The following CPB2 variants were observed in gnomAD, a reference collection of about 807,000 sequenced individuals.
CPB2 encodes carboxypeptidase B2, also known as carboxypeptidase B-like protein.
Under a neutral mutation model 57.0 loss-of-function variants are expected in CPB2, and 54 were observed. The ratio of observed to expected loss-of-function variants is 0.95; its 90% CI spans 0.76 to 1.19. The LOEUF (loss-of-function observed/expected upper bound fraction) is 1.19, where lower values mean the gene tolerates loss of function less well. Ranked by LOEUF, CPB2 falls within the 50% of genes most tolerant of loss-of-function variation. The pLI is 0.00. For synonymous variants in CPB2, 189 were observed against 178.1 expected (o/e 1.06, Z -0.49); for missense variants, 426 against 512.0 (o/e 0.83, Z 1.62).
At chr13:46,089,562 T>C (rs1362193939) in intron 1 of CPB2, among the ~76,000 whole-genome samples, 1 of 152,192 alleles carries the variant, frequency 6.6e-6, no homozygotes, top group African/African-American at 2.4e-5. Context: ...ATTAGTATTA[T>C]GAGTGAGAAA....
rs184623067 is a variant in CPB2 at position 46,064,280 on chromosome 13, C to G, written c.796+368G>C. 3.1e-3 allele frequency among the ~76,000 whole-genome samples: 476 copies of G among 152,056 alleles called. 6 individuals carry two copies. The highest frequency in any genetic ancestry group is 0.011 in the African/African-American group (461 of 41,502). ...GTCTCAAAAAAAAAAGAGAGGTCCT[C>G]CCCCCATCTCAGGTCTTTGATATTC... On this transcript the variant is annotated intron_variant, in intron 8 of 10. Transcript: ENST00000181383.
intron 3 of CPB2, 64 bp downstream of exon 3, chr13:46,084,155 A>G (rs2045162177): frequency 3.8e-6 from 6 of 1,570,404 alleles, no homozygotes; most frequent in Admixed American, 1.7e-5. Context: ...ATTATACCAT[A>G]CCCTAGTCAA....
At chr13:46,091,659 C>T (rs943764442) in intron 1 of CPB2, among the ~76,000 whole-genome samples, 5 of 152,144 alleles carry the variant, frequency 3.3e-5, no homozygotes, top group African/African-American at 4.8e-5. Context: ...AAAAAGCAGA[C>T]ACTTGGTTGG....
intron 9 of CPB2, among the ~76,000 whole-genome samples, chr13:46,057,875 C>T (rs996322388): frequency 4.6e-5 from 7 of 152,148 alleles, no homozygotes; most frequent in South Asian, 2.1e-4. Flanking sequence ...TTGCTTATAC[C>T]GCTTCACATG....
intron 8 of CPB2, among the ~76,000 whole-genome samples, chr13:46,060,369 C>T (rs867363323): frequency 3.3e-5 from 5 of 151,488 alleles, no homozygotes; most frequent in South Asian, 4.2e-4. Flanking sequence ...GGCTGAGGCA[C>T]GAAACTTGCT....
At chr13:46,075,036 G>A (rs1305269026) in intron 5 of CPB2, among the ~76,000 whole-genome samples, 1 of 152,152 alleles carries the variant, frequency 6.6e-6, no homozygotes, top group Non-Finnish European at 1.5e-5. Flanking sequence ...CAGCCCAGGG[G>A]TTGAGGACCA....
intron 1 of CPB2, among the ~76,000 whole-genome samples, chr13:46,103,607 C>T (rs745682786): frequency 2.0e-5 from 3 of 152,186 alleles, no homozygotes; most frequent in Non-Finnish European, 4.4e-5. Flanking sequence ...GGATTTTATG[C>T]ATTTAAAGAG....
At chr13:46,062,048 T>TAAAAAAAAAA (rs2139353845) in intron 8 of CPB2, among the ~76,000 whole-genome samples, 1 of 144,432 alleles carries the variant, frequency 6.9e-6, no homozygotes, top group South Asian at 2.2e-4. Flanking sequence ...TTTTTTTAGT[T>TAAAAAAAAAA]AAAAACCCAT....
chr13:46,084,784 A>G (rs2045174675), intron 2 of CPB2, among the ~76,000 whole-genome samples: 1 of 151,542 alleles, frequency 6.6e-6, no homozygotes, highest in Non-Finnish European at 1.5e-5. Context: ...TTTTTTAAAA[A>G]GGCTTCCAAT....
rs1400877257 is a variant in CPB2, at chr13:46,078,862, C to T, written c.424G>A (p.Asp142Asn). The T allele has an allele frequency of 6.2e-7, 1 of 1,611,962 alleles. No individual in the cohort carries two copies. The highest frequency in any genetic ancestry group is 8.5e-7 in the Non-Finnish European group (1 of 1,178,406). ...WIEFITERHP[D>N]MLTKIHIGSS... ...CCAATGTGGATTTTTGTAAGCATAT[C>T]AGGATGCCTCTCAGTTATAAATTCT... Residue 142 changes from aspartate (D) to asparagine (N), a missense_variant, in exon 5 of 11, where the codon GAT (aspartate) becomes AAT (asparagine). Transcript: ENST00000181383.
chr13:46,076,952 G>A (rs1474543398), intron 5 of CPB2, among the ~76,000 whole-genome samples: 1 of 152,098 alleles, frequency 6.6e-6, no homozygotes, highest in African/African-American at 2.4e-5. Context: ...AGAATTAAAT[G>A]TAATACCTAA....
At chr13:46,093,266 A>G (rs2045319968) in intron 1 of CPB2, among the ~76,000 whole-genome samples, 1 of 152,212 alleles carries the variant, frequency 6.6e-6, no homozygotes, top group Admixed American at 6.5e-5. Context: ...TCCTGAGTAA[A>G]ATATTCTGAA....
chr13:46,103,266 G>C (rs2045459138), intron 1 of CPB2, among the ~76,000 whole-genome samples: 1 of 152,224 alleles, frequency 6.6e-6, no homozygotes, highest in Non-Finnish European at 1.5e-5. Context: ...TAATTGCACT[G>C]GGCTGACGCC....
chr13:46,093,668 A>G (rs1246588660), intron 1 of CPB2, among the ~76,000 whole-genome samples: 2 of 152,210 alleles, frequency 1.3e-5, no homozygotes, highest in Non-Finnish European at 2.9e-5. Flanking sequence ...AAGAAAAATT[A>G]TATGTGTTAA....
chr13:46,058,869 A>C (rs559157248), intron 8 of CPB2, among the ~76,000 whole-genome samples: 38 of 152,324 alleles, frequency 2.5e-4, no homozygotes, highest in African/African-American at 8.9e-4. Flanking sequence ...AGTAAATAAA[A>C]TGGGATGGTG....
intron 4 of CPB2, 25 bp downstream of exon 4, chr13:46,082,416 T>G (rs569880920): frequency 1.5e-6 from 2 of 1,335,196 alleles, no homozygotes; most frequent in African/African-American, 1.4e-5. Flanking sequence ...AAATAGTAGC[T>G]TTGAAGAGCT....
chr13:46,077,927 G>A (rs528335091), intron 5 of CPB2, among the ~76,000 whole-genome samples: 1 of 152,220 alleles, frequency 6.6e-6, no homozygotes, highest in African/African-American at 2.4e-5. Flanking sequence ...GATTACCAGA[G>A]GCTGGGAAAG....
At chr13:46,058,625 GAAAGT>G (rs1407990491) in intron 8 of CPB2, among the ~76,000 whole-genome samples, 4 of 152,188 alleles carry the variant, frequency 2.6e-5, no homozygotes, top group African/African-American at 7.2e-5. Flanking sequence ...GCAACCTTGA[GAAAGT>G]GGCTAAGAGA....
chr13:46,084,518 T>A (rs1056439677), intron 2 of CPB2, among the ~76,000 whole-genome samples, 175 bp from the exon 3 acceptor site: 8 of 152,152 alleles, frequency 5.3e-5, no homozygotes, highest in East Asian at 1.9e-4. Flanking sequence ...GTGAGTTTTT[T>A]AAAATTCCTT....
Sources: allele counts gnomAD v4.1 joint callset (sites outside exome capture counted in the v4.1 genomes callset), GRCh38; gene constraint gnomAD v4.1.1; transcripts MANE v1.5; gene names NCBI Gene and HGNC (gene_info 2026-07-23, HGNC 2026-07-21).